The following CUL7 variants were observed in gnomAD, a reference collection of about 807,000 sequenced individuals.
CUL7 encodes the protein cullin-7.
A neutral mutation model predicts 177.7 loss-of-function variants in CUL7; 96 were observed. That is an observed-to-expected ratio of 0.54 (90% CI 0.46 to 0.64). The LOEUF is 0.64. Ranked by LOEUF, CUL7 falls within the 30% of genes least tolerant of loss-of-function variation. CUL7 has a pLI of 0.00. For synonymous variants in CUL7, 824 were observed against 890.2 expected (o/e 0.93, Z 1.32); for missense variants, 1,893 against 2,187.9 (o/e 0.87, Z 2.69).
rs141899283 is a variant in CUL7, at chr6:43,041,056, C to T, written c.3665G>A (p.Arg1222Gln). Residue 1222 changes from arginine (R) to glutamine (Q), a missense_variant, in exon 20 of 26, where the codon CGG (arginine) becomes CAG (glutamine). Physicochemically the swap from Arg to Gln is conservative, Grantham distance 43. Transcript: ENST00000265348. ...GCCCTGGATCTGCTGGTCAATGTGC[C>T]GGGCGAACTGCTCACTCACCTGAGC... Reference protein sequence around the residue: ...KAAHVSEQFARHIDQQIQGSR... With the variant: ...KAAHVSEQFAQHIDQQIQGSR... 2.4e-5 allele frequency: 39 copies of T among 1,613,898 alleles called. No individual in the cohort carries two copies. Among genetic ancestry groups the T allele is most frequent in the African/African-American group, 9.3e-5 (7 of 75,018 alleles).
chr6:43,043,657 G>A lies in CUL7; in HGVS notation c.3173-27C>T, dbSNP rs771310963. ...TAGAGGGTGAGATAAACAAACCAAG[G>A]CACAGCCATGTCTGCAGGGAAGTGG... On this transcript the variant is annotated intron_variant, in intron 16 of 25. Coordinates refer to ENST00000265348, the MANE Select transcript of CUL7 (RefSeq NM_014780.5). This position sits in a 1 kb window ranked among gnomAD's most constrained non-coding sequence, Gnocchi z 4.2. The A allele has an allele frequency of 4.3e-5, 65 of 1,495,966 alleles. No individual in the cohort carries two copies. Among genetic ancestry groups the A allele is most frequent in the Non-Finnish European group, 5.6e-5 (61 of 1,087,392 alleles). 92.7% of individuals were successfully genotyped at this position (1,495,966 alleles called of 1,614,324 possible). A position where few individuals can be genotyped will look rare whatever the true frequency, so the allele number is the denominator to read the frequency against.
intron 19 of CUL7, among the ~76,000 whole-genome samples, chr6:43,041,712 G>A (rs187249350): frequency 1.3e-5 from 2 of 151,226 alleles, no homozygotes; most frequent in East Asian, 2.0e-4. Context: ...GGGAAGGGAA[G>A]GGAAAGGGAA....
intron 7 of CUL7, among the ~76,000 whole-genome samples, chr6:43,048,819 G>A (rs1764154151): frequency 6.6e-6 from 1 of 150,838 alleles, no homozygotes; most frequent in African/African-American, 2.4e-5. Flanking sequence ...CCAGGCTGGA[G>A]TGCAGTGGCA....
At position 43,047,143 on chromosome 6, in the gene CUL7, CAG is replaced by C. The variant is rs561942686; in HGVS notation, c.2170-38_2170-37del. 1.9e-3 allele frequency: 2,408 copies of C among 1,289,996 alleles called. 6 individuals are homozygous for C. The highest frequency in any genetic ancestry group is 2.4e-3 in the Middle Eastern group (11 of 4,554). 79.9% of individuals were successfully genotyped at this position (1,289,996 alleles called of 1,614,324 possible). The stretch of plus-strand genomic sequence containing the variant: ...ACATAAGGGAGGAGATGAATGAAGA[CAG>C]GGCGAGGGCCACAAGGGCACCTGCA... On this transcript the variant is annotated intron_variant, in intron 9 of 25. Coordinates refer to ENST00000265348, the MANE Select transcript of CUL7 (RefSeq NM_014780.5).
intron 24 of CUL7, 45 bp downstream of exon 24, chr6:43,038,521 T>G: frequency 6.2e-7 from 1 of 1,613,688 alleles, no homozygotes; most frequent in Non-Finnish European, 8.5e-7. Context: ...ACGAGGAGCC[T>G]GGCCCTGCCT....
chr6:43,052,246 T>C lies in CUL7; in HGVS notation c.543A>G (p.Ala181=). Reference sequence around the variant, plus strand: ...AGGACAGGGCTTGTATCATCCGGCCTGCACTCCAGCGAATCTGATAATCAG... The same window carrying C: ...AGGACAGGGCTTGTATCATCCGGCCCGCACTCCAGCGAATCTGATAATCAG... The part of the protein sequence containing the change: ...SSPDYQIRWS[A]GRMIQALSSH... Residue 181 remains alanine (A), a synonymous_variant, in exon 2 of 26, where the codon GCA becomes GCG. Transcript: ENST00000265348. This position sits in a 1 kb window ranked among gnomAD's most constrained non-coding sequence, Gnocchi z 4.5. 1.2e-6 allele frequency: 2 copies of C among 1,614,214 alleles called. No homozygotes were observed. The highest frequency in any genetic ancestry group is 3.3e-5 in the Admixed American group (2 of 60,012).
intron 19 of CUL7, among the ~76,000 whole-genome samples, chr6:43,041,715 AAAGGG>A (rs1475093376): frequency 6.6e-6 from 1 of 151,314 alleles, no homozygotes; most frequent in African/African-American, 2.4e-5. Flanking sequence ...AAGGGAAGGG[AAAGGG>A]AAGGGAAGGG....
At position 43,046,412 on chromosome 6, in the gene CUL7, G is replaced by A. The variant is rs755235483; in HGVS notation, c.2489-5C>T. 1.9e-5 allele frequency: 30 copies of A among 1,614,096 alleles called. No homozygotes were observed. Among genetic ancestry groups the A allele is most frequent in the Middle Eastern group, 3.3e-4 (2 of 6,084 alleles). On this transcript the variant is annotated splice_region_variant and splice_polypyrimidine_tract_variant and intron_variant, in intron 11 of 25. Coordinates refer to ENST00000265348, the MANE Select transcript of CUL7 (RefSeq NM_014780.5). ...CCTTCACTTCCACACTGGAGCCTGGGGGCAAGTGGGAAGGGGTGGTGGTCA... is the reference window on the plus strand; with the variant it reads ...CCTTCACTTCCACACTGGAGCCTGGAGGCAAGTGGGAAGGGGTGGTGGTCA...
At position 43,049,440 on chromosome 6, in the gene CUL7, C is replaced by A; in HGVS notation, c.1792G>T (p.Ala598Ser). 1 of 1,614,240 alleles carries A rather than the reference C, an allele frequency of 6.2e-7. No homozygotes were observed. Among genetic ancestry groups the A allele is most frequent in the Non-Finnish European group, 8.5e-7 (1 of 1,180,044 alleles). The change falls in exon 7 of 26, where the codon GCT (alanine) becomes TCT (serine). Residue 598 changes from alanine to serine, a missense_variant. This residue lies in a region of CUL7 where 973 missense variants were observed against 1,140.9 expected (regional missense o/e 0.85). Transcript: ENST00000265348. The part of the protein sequence containing the change: ...DVLLLDAQAQ[A>S]KDSEDAAKVE... ...TTGGCTGCATCTTCTGAGTCCTTAG[C>A]CTGGGCCTGCGCGTCTAGCAGGAGG...
Position 43,049,615 on chromosome 6 carries a change from C to T in CUL7, c.1617G>A (p.Leu539=), listed in dbSNP as rs563507932. 5.0e-6 allele frequency: 8 copies of T among 1,614,184 alleles called. No individual in the cohort carries two copies. In the African/African-American group the frequency reaches 8.0e-5, roughly 16 times the overall value. The part of the protein sequence containing the change: ...ILAELAVPIE[L]AQDLLLTLPQ... ...GCAGAGTCAGCAGCAAGTCCTGGGC[C>T]AATTCTATGGGCACGGCCAGTTCAG... Residue 539 remains leucine, a synonymous_variant, in exon 7 of 26, where the codon TTG becomes TTA. Transcript: ENST00000265348.
chr6:43,046,829 G>T (rs367754077), intron 10 of CUL7, 51 bp downstream of exon 10: 25 of 1,298,880 alleles, frequency 1.9e-5, no homozygotes, highest in Non-Finnish European at 2.8e-5. Context: ...CACTGCTTGG[G>T]TTTCATATTC....
chr6:43,038,026 GA>G lies in CUL7; in HGVS notation c.4774-16del. ...GCCTCCAGCACCTGGTGTGGGGGAG[GA>G]AGGGAGAAGCGGTAGTTTAGAGGCA... On this transcript the variant is annotated splice_polypyrimidine_tract_variant and intron_variant, in intron 25 of 25. Coordinates refer to ENST00000265348, the MANE Select transcript of CUL7 (RefSeq NM_014780.5). 1 of 1,584,720 alleles carries G rather than the reference GA, an allele frequency of 6.3e-7. No homozygotes were observed. Among genetic ancestry groups the G allele is most frequent in the Non-Finnish European group, 8.6e-7 (1 of 1,164,604 alleles).
rs377340841 is a variant in CUL7 at position 43,050,419 on chromosome 6, G to A, written c.1234-21C>T. 72 of 1,613,822 alleles carry A rather than the reference G, an allele frequency of 4.5e-5. No homozygotes were observed. The South Asian group carries it at 5.3e-4, about 12-fold the overall frequency. The stretch of plus-strand genomic sequence containing the variant: ...AATACCTGGAGCATAGGGAAAGAAA[G>A]AGGGAAGGGGAAGGGAGGACTCACA... On this transcript the variant is annotated intron_variant, in intron 4 of 25. Coordinates refer to ENST00000265348, the MANE Select transcript of CUL7 (RefSeq NM_014780.5). This position sits in a 1 kb window ranked among gnomAD's most constrained non-coding sequence, Gnocchi z 4.1.
chr6:43,043,557 G>A lies in CUL7; in HGVS notation c.3246C>T (p.Pro1082=). The A allele has an allele frequency of 6.2e-7, 1 of 1,613,908 alleles. No homozygotes were observed. The highest frequency in any genetic ancestry group is 8.5e-7 in the Non-Finnish European group (1 of 1,179,920). The change falls in exon 17 of 26, where the codon CCC becomes CCT. Residue 1082 remains proline, a synonymous_variant. Transcript: ENST00000265348. The surrounding 1 kb of genome is among the most constrained non-coding windows in gnomAD (Gnocchi z 4.2). ...AGAAGAAAGCTGGGCCGCGGCTCTG[G>A]GGGTTGAAGACAGCTTCCTGACACT... ...YLECQEAVFN[P]QSRGPAFFSR...
Position 43,050,244 on chromosome 6 carries a change from T to C in CUL7, c.1372+16A>G, listed in dbSNP as rs1251789540. ...CCTCTGCTCAGAGCTGACCCTTGCT[T>C]CCTCCCTGAGCTCACCTCTACCCAG... On this transcript the variant is annotated intron_variant, in intron 5 of 25. Transcript: ENST00000265348. This position sits in a 1 kb window ranked among gnomAD's most constrained non-coding sequence, Gnocchi z 4.1. The C allele has an allele frequency of 1.2e-6, 2 of 1,614,076 alleles. No homozygotes were observed. Among genetic ancestry groups the C allele is most frequent in the African/African-American group, 2.7e-5 (2 of 75,008 alleles).
Position 43,043,374 on chromosome 6 carries a change from A to C in CUL7, c.3355+74T>G. On this transcript the variant is annotated intron_variant, in intron 17 of 25. Coordinates refer to ENST00000265348, the MANE Select transcript of CUL7 (RefSeq NM_014780.5). This position sits in a 1 kb window ranked among gnomAD's most constrained non-coding sequence, Gnocchi z 4.2. The stretch of plus-strand genomic sequence containing the variant: ...GAGGGGAAGGATGGGGATGGACAGA[A>C]GCCTGTGGTGTACACATGGGGCCCA... The C allele has an allele frequency of 2.1e-6, 3 of 1,460,798 alleles. No individual in the cohort carries two copies. The highest frequency in any genetic ancestry group is 2.9e-6 in the Non-Finnish European group (3 of 1,043,544). The allele number at this position is 1,460,798 out of a possible 1,614,324, so 90.5% of individuals were successfully genotyped here. A position where few individuals can be genotyped will look rare whatever the true frequency, so the allele number is the denominator to read the frequency against.
intron 16 of CUL7, among the ~76,000 whole-genome samples, chr6:43,044,111 T>C (rs181999094): frequency 4.0e-5 from 6 of 151,856 alleles, no homozygotes; most frequent in African/African-American, 1.2e-4. Context: ...TCACCTGAGA[T>C]TGGGAGTTCG....
chr6:43,040,785 C>T lies in CUL7; in HGVS notation c.3807-39G>A. The T allele has an allele frequency of 1.2e-6, 2 of 1,608,704 alleles. No individual in the cohort carries two copies. Among genetic ancestry groups the T allele is most frequent in the East Asian group, 4.5e-5 (2 of 44,856 alleles). On this transcript the variant is annotated intron_variant, in intron 20 of 25. Transcript: ENST00000265348. The surrounding 1 kb of genome is among the most constrained non-coding windows in gnomAD (Gnocchi z 4.2). Reference sequence around the variant, plus strand: ...AGCCCGGGCCAAGCCTCAGTGTGGGCACCAGTGTGGCCCAGCCTCCCACTC... The same window carrying T: ...AGCCCGGGCCAAGCCTCAGTGTGGGTACCAGTGTGGCCCAGCCTCCCACTC...
chr6:43,049,527 C>G lies in CUL7; in HGVS notation c.1705G>C (p.Gly569Arg), dbSNP rs760696270. Reference sequence around the variant, plus strand: ...TGGTTCCCTGCTAGGGCTTCAGGCCCATACTTCTTGTAGACATGGCAGTTG... The same window carrying G: ...TGGTTCCCTGCTAGGGCTTCAGGCCGATACTTCTTGTAGACATGGCAGTTG... ...LINCHVYKKYGPEALAGNQAY... is the reference protein window; with the variant it reads ...LINCHVYKKYRPEALAGNQAY... Residue 569 changes from glycine to arginine, a missense_variant, in exon 7 of 26, where the codon GGG becomes CGG. Transcript: ENST00000265348. 6.2e-7 allele frequency: 1 copy of G among 1,614,204 alleles called. No individual in the cohort carries two copies. Among genetic ancestry groups the G allele is most frequent in the South Asian group, 1.1e-5 (1 of 91,082 alleles).
Sources: gnomAD v4.1 joint callset for allele counts (sites outside exome capture counted in the v4.1 genomes callset) on GRCh38, gnomAD v4.1.1 for gene constraint, gnomAD v4.1.1 regional missense constraint, Gnocchi (gnomAD v3.1) non-coding constraint, MANE v1.5 for transcripts, NCBI Gene and HGNC (gene_info 2026-07-23, HGNC 2026-07-21) for gene names.